The following GLIS1 variants were observed in gnomAD, a reference collection of about 807,000 sequenced individuals.
The protein encoded by GLIS1 is GLIS family zinc finger 1.
GLIS1 carries 24 observed loss-of-function variants against 63.8 expected under a neutral mutation model. That is an observed-to-expected ratio of 0.38 (90% CI 0.27 to 0.53). The LOEUF (loss-of-function observed/expected upper bound fraction) is 0.53, where lower values mean the gene tolerates loss of function less well. GLIS1 is among the 20% of genes least tolerant of loss of function. The pLI is 0.85. For synonymous variants in GLIS1, 450 were observed against 482.5 expected (o/e 0.93, Z 0.88); for missense variants, 1,036 against 1,074.1 (o/e 0.96, Z 0.50).
intron 2 of GLIS1, among the ~76,000 whole-genome samples, chr1:53,623,147 G>A (rs1000252578): frequency 2.6e-5 from 4 of 152,072 alleles, no homozygotes; most frequent in Non-Finnish European, 5.9e-5. Flanking sequence ...TGGTTAATGT[G>A]TATCGAATCT....
chr1:53,565,126 G>A (rs1439899880), intron 4 of GLIS1, among the ~76,000 whole-genome samples: 1 of 151,806 alleles, frequency 6.6e-6, no homozygotes, highest in Non-Finnish European at 1.5e-5. Flanking sequence ...AAAATTAAAG[G>A]CCCACTGCAT....
intron 4 of GLIS1, among the ~76,000 whole-genome samples, chr1:53,586,738 G>C (rs139571619): frequency 3.3e-4 from 51 of 152,312 alleles, no homozygotes; most frequent in Non-Finnish European, 4.4e-4. Flanking sequence ...ACCAGATTAG[G>C]GGGTAGACGT....
Position 53,656,885 on chromosome 1 carries a change from G to A in GLIS1, c.260-56607C>T, listed in dbSNP as rs372051506. Among the ~76,000 whole-genome samples the A allele has an allele frequency of 1.8e-4, 28 of 152,336 alleles. 1 individual carries two copies. In the Middle Eastern group the frequency reaches 0.01, roughly 56 times the overall value. On this transcript the variant is annotated intron_variant, in intron 2 of 10. Transcript: ENST00000628545. ...GGCAGAGGCATGCCGCCAGGCTACCGCAGACAGGTACGTGCAAATCTGCTA... is the reference window on the plus strand; with the variant it reads ...GGCAGAGGCATGCCGCCAGGCTACCACAGACAGGTACGTGCAAATCTGCTA...
chr1:53,716,579 TATG>T (rs1363740512), intron 2 of GLIS1, among the ~76,000 whole-genome samples: 3 of 151,828 alleles, frequency 2.0e-5, no homozygotes, highest in African/African-American at 2.4e-5. Flanking sequence ...CTCAGAGAGG[TATG>T]ATAAGATATT....
At chr1:53,614,392 G>A (rs1261287298) in intron 2 of GLIS1, among the ~76,000 whole-genome samples, 3 of 152,152 alleles carry the variant, frequency 2.0e-5, no homozygotes, top group Non-Finnish European at 2.9e-5. Context: ...GAAGCAGCAG[G>A]GTACAAAGGA....
At chr1:53,538,559 C>G (rs907793166) in intron 4 of GLIS1, among the ~76,000 whole-genome samples, 5 of 152,150 alleles carry the variant, frequency 3.3e-5, no homozygotes, top group African/African-American at 1.2e-4. Flanking sequence ...TAGCCATGAT[C>G]GAGCACTGCC....
At chr1:53,668,900 T>C (rs1646123458) in intron 2 of GLIS1, among the ~76,000 whole-genome samples, 1 of 152,310 alleles carries the variant, frequency 6.6e-6, no homozygotes. Flanking sequence ...GGTTGGGGGC[T>C]GAAAGATAGG....
intron 2 of GLIS1, among the ~76,000 whole-genome samples, chr1:53,725,371 T>C (rs1646795159): frequency 6.6e-6 from 1 of 152,188 alleles, no homozygotes; most frequent in Non-Finnish European, 1.5e-5. Flanking sequence ...TTTTCCACCC[T>C]ACCTCACTGA....
chr1:53,637,905 G>A (rs1645744092), intron 2 of GLIS1, among the ~76,000 whole-genome samples: 1 of 152,258 alleles, frequency 6.6e-6, no homozygotes, highest in South Asian at 2.1e-4. Flanking sequence ...TTGTGCAGAG[G>A]ACAGGGGCAT....
At chr1:53,542,433 G>A (rs1032172389) in intron 4 of GLIS1, among the ~76,000 whole-genome samples, 43 of 152,256 alleles carry the variant, frequency 2.8e-4, no homozygotes, top group African/African-American at 8.9e-4. Flanking sequence ...CAGCACAGGG[G>A]CTGGCACAGA....
At chr1:53,667,025 G>A (rs1355777907) in intron 2 of GLIS1, among the ~76,000 whole-genome samples, 2 of 152,156 alleles carry the variant, frequency 1.3e-5, no homozygotes, top group Non-Finnish European at 2.9e-5. Context: ...CGTTACAAGG[G>A]AACCTCCTTC....
chr1:53,548,983 T>C (rs1211119412), intron 4 of GLIS1, among the ~76,000 whole-genome samples: 1 of 152,252 alleles, frequency 6.6e-6, no homozygotes, highest in Non-Finnish European at 1.5e-5. Flanking sequence ...ATCTACTTTC[T>C]ATTTCTATAG....
At chr1:53,721,282 G>T (rs1364048088) in intron 2 of GLIS1, among the ~76,000 whole-genome samples, 1 of 152,146 alleles carries the variant, frequency 6.6e-6, no homozygotes, top group Non-Finnish European at 1.5e-5. Flanking sequence ...CTCACCAGCT[G>T]CGTAACCCTG....
chr1:53,696,154 C>G (rs1419964157), intron 2 of GLIS1, among the ~76,000 whole-genome samples: 2 of 152,266 alleles, frequency 1.3e-5, no homozygotes, highest in South Asian at 4.1e-4. Context: ...GCGGTTAATG[C>G]TTTGCTCGGC....
chr1:53,665,834 A>T (rs1376781149), intron 2 of GLIS1, among the ~76,000 whole-genome samples: 6 of 152,202 alleles, frequency 3.9e-5, no homozygotes, highest in African/African-American at 1.4e-4. Context: ...TGAAAGGTCA[A>T]ATACAATGAC....
chr1:53,543,781 G>A (rs568167974), intron 4 of GLIS1, among the ~76,000 whole-genome samples: 6 of 151,958 alleles, frequency 3.9e-5, no homozygotes, highest in Non-Finnish European at 7.4e-5. Context: ...CCTGCATCTC[G>A]GATGTCCCAG....
intron 2 of GLIS1, among the ~76,000 whole-genome samples, chr1:53,710,710 T>C (rs1156488976): frequency 6.6e-6 from 1 of 152,106 alleles, no homozygotes. Flanking sequence ...GCAGGCTCCC[T>C]GGCCCCAGGT....
At chr1:53,658,033 C>T (rs1645985567) in intron 2 of GLIS1, among the ~76,000 whole-genome samples, 1 of 152,074 alleles carries the variant, frequency 6.6e-6, no homozygotes, top group African/African-American at 2.4e-5. Flanking sequence ...GGGTCTTGAT[C>T]ACCCCTCCAG....
intron 6 of GLIS1, among the ~76,000 whole-genome samples, chr1:53,524,216 C>A (rs1055789132): frequency 9.2e-5 from 14 of 152,218 alleles, no homozygotes; most frequent in Non-Finnish European, 1.9e-4. Context: ...CGGAAGCAAG[C>A]CCCGCGGGCC....
Sources: allele counts gnomAD v4.1 joint callset (sites outside exome capture counted in the v4.1 genomes callset), GRCh38; gene constraint gnomAD v4.1.1; transcripts MANE v1.5; gene names NCBI Gene and HGNC (gene_info 2026-07-23, HGNC 2026-07-21).